Variants in FHIP2A observed in about 807,000 individuals in gnomAD.
FHIP2A encodes the protein family with sequence similarity 160 member B1.
In FHIP2A, 46 loss-of-function variants were observed where a neutral mutation model predicts 93.5. That is an observed-to-expected ratio of 0.49 (90% confidence interval 0.39 to 0.63). The LOEUF (loss-of-function observed/expected upper bound fraction) is 0.63. Ranked by LOEUF, FHIP2A falls within the 20% of genes least tolerant of loss-of-function variation. The probability of loss-of-function intolerance (pLI) is 0.00; values close to 1 mark genes in which losing one functional copy is unlikely to be tolerated. For synonymous variants in FHIP2A, 332 were observed against 326.5 expected (o/e 1.02, Z -0.18); for missense variants, 769 against 909.7 (o/e 0.85, Z 1.99).
rs891532367 is a variant in FHIP2A at position 114,843,785 on chromosome 10, A to C, written c.861A>C (p.Leu287Phe). 5 of 1,583,420 alleles carry C rather than the reference A, an allele frequency of 3.2e-6. No homozygotes were observed. The African/African-American group carries it at 6.8e-5, about 22-fold the overall frequency. The change falls in exon 7 of 17, where the codon TTA becomes TTC. Residue 287 changes from leucine (L) to phenylalanine (F), a missense_variant. By Grantham distance (22) the Leu-to-Phe change is conservative (BLOSUM62 0). Coordinates refer to ENST00000369248, the MANE Select transcript of FHIP2A (RefSeq NM_020940.4). Reference sequence around the variant, plus strand: ...AGGCATGTGAAGGCTTGATGCTGTTAGTAAGTTTGCCAGAGCCTGCGGCTG... The same window carrying C: ...AGGCATGTGAAGGCTTGATGCTGTTCGTAAGTTTGCCAGAGCCTGCGGCTG... ...AVKACEGLML[L>F]VSLPEPAAAK...
chr10:114,851,694 G>T (rs2083736895), intron 13 of FHIP2A, among the ~76,000 whole-genome samples: 2 of 100,928 alleles, frequency 2.0e-5, no homozygotes, highest in Non-Finnish European at 1.8e-5. Context: ...TGAATTTTAG[G>T]ATTACTTTGT....
At chr10:114,880,629 G>A (rs998496268) in intron 16 of FHIP2A, among the ~76,000 whole-genome samples, 13 of 151,542 alleles carry the variant, frequency 8.6e-5, no homozygotes, top group African/African-American at 2.2e-4. Context: ...GCAGTGAGCC[G>A]AGATCACGCC....
rs1026924352 is a variant in FHIP2A, at chr10:114,862,230, T to C, written c.*690T>C. 1.5e-5 allele frequency: 15 copies of C among 984,262 alleles called. No homozygotes were observed. Among genetic ancestry groups the C allele is most frequent in the African/African-American group, 1.0e-4 (6 of 57,216 alleles). 61.0% of individuals were successfully genotyped at this position (984,262 alleles called of 1,614,324 possible). A position where few individuals can be genotyped will look rare whatever the true frequency, so the allele number is the denominator to read the frequency against. On this transcript the variant is annotated 3_prime_UTR_variant, in exon 17 of 17. Coordinates refer to ENST00000369248, the MANE Select transcript of FHIP2A (RefSeq NM_020940.4). ...ATAGCCATGTTAGTGATTTTCTTCATGTGTGGGTCCCAGTTTATTTAAACT... is the reference window on the plus strand; with the variant it reads ...ATAGCCATGTTAGTGATTTTCTTCACGTGTGGGTCCCAGTTTATTTAAACT...
At chr10:114,846,821 A>G (rs1289536554) in intron 11 of FHIP2A, 93 bp downstream of exon 11, 4 of 1,193,966 alleles carry the variant, frequency 3.4e-6, no homozygotes, top group Non-Finnish European at 4.6e-6. Flanking sequence ...CTCAAAAGAA[A>G]TACCTCTTAC....
At chr10:114,825,978 C>A (rs1412682126) in intron 1 of FHIP2A, among the ~76,000 whole-genome samples, 2 of 152,192 alleles carry the variant, frequency 1.3e-5, no homozygotes, top group African/African-American at 4.8e-5. Context: ...GTTTTCTTTT[C>A]AAATTATAGT....
Position 114,838,902 on chromosome 10 carries a change from G to A in FHIP2A, c.522+2656G>A, listed in dbSNP as rs181492879. Among the ~76,000 whole-genome samples the A allele has an allele frequency of 2.9e-3, 439 of 152,168 alleles. 2 individuals are homozygous for A. The highest frequency in any genetic ancestry group is 4.8e-3 in the Non-Finnish European group (325 of 67,998). On this transcript the variant is annotated intron_variant, in intron 5 of 16. Transcript: ENST00000369248. ...TGGTAGGTGTCTGCATTTTTTTAAC[G>A]AATAGGACTATTCATATGTGTTTAA...
Position 114,847,230 on chromosome 10 carries a change from A to G in FHIP2A, c.1709A>G (p.Asn570Ser). The G allele has an allele frequency of 6.2e-7, 1 of 1,605,210 alleles. No homozygotes were observed. Among genetic ancestry groups the G allele is most frequent in the African/African-American group, 1.3e-5 (1 of 74,434 alleles). ...AAAACTGAAGTTCATAAAATTGTAA[A>G]TAGGTGAGTTGCTATATAAAATTTG... ...DGKTEVHKIVNSFLCLVPDDA... is the reference protein window; with the variant it reads ...DGKTEVHKIVSSFLCLVPDDA... Residue 570 changes from asparagine (N) to serine (S), a missense_variant, in exon 12 of 17, where the codon AAT becomes AGT. Coordinates refer to ENST00000369248, the MANE Select transcript of FHIP2A (RefSeq NM_020940.4).
At chr10:114,856,569 C>G (rs1232774151) in intron 14 of FHIP2A, among the ~76,000 whole-genome samples, 4 of 152,060 alleles carry the variant, frequency 2.6e-5, no homozygotes, top group Admixed American at 2.6e-4. Context: ...CAATGAGTAT[C>G]AAGACAGTAA....
chr10:114,888,966 T>A (rs1468615218), intron 16 of FHIP2A, among the ~76,000 whole-genome samples: 3 of 152,212 alleles, frequency 2.0e-5, no homozygotes, highest in African/African-American at 7.2e-5. Context: ...TGACTTGTCA[T>A]GTAATCTTCC....
At position 114,861,639 on chromosome 10, in the gene FHIP2A, T is replaced by C; in HGVS notation, c.*99T>C. Reference sequence around the variant, plus strand: ...GCCACAAGAGGATAAAAAGCCTTTTTAAACGCAGTATTGCTGTAAACTGGA... The same window carrying C: ...GCCACAAGAGGATAAAAAGCCTTTTCAAACGCAGTATTGCTGTAAACTGGA... On this transcript the variant is annotated 3_prime_UTR_variant, in exon 17 of 17. Transcript: ENST00000369248. 6.7e-7 allele frequency: 1 copy of C among 1,492,010 alleles called. No individual in the cohort carries two copies. Among genetic ancestry groups the C allele is most frequent in the Non-Finnish European group, 8.9e-7 (1 of 1,127,240 alleles). 92.4% of individuals were successfully genotyped at this position (1,492,010 alleles called of 1,614,324 possible).
downstream of FHIP2A, chr10:114,864,719 G>T (rs747090640): frequency 1.4e-5 from 14 of 978,408 alleles, no homozygotes; most frequent in Non-Finnish European, 1.7e-5. Flanking sequence ...TAAACAAAAC[G>T]TCTTATGTTT....
rs1302258739 is a variant in FHIP2A, at chr10:114,846,066, T to C, written c.1182T>C (p.Val394=). ...KAVHERFFIG[V]MEPQLMQTSE... ...TTCATGAAAGATTTTTCATTGGTGT[T>C]ATGGAACCTCAATTAATGCAAACGT... The change falls in exon 9 of 17, where the codon GTT becomes GTC. Residue 394 remains valine, a synonymous_variant. Coordinates refer to ENST00000369248, the MANE Select transcript of FHIP2A (RefSeq NM_020940.4). 6.2e-7 allele frequency: 1 copy of C among 1,614,158 alleles called. No homozygotes were observed. Among genetic ancestry groups the C allele is most frequent in the South Asian group, 1.1e-5 (1 of 91,084 alleles).
intron 2 of FHIP2A, among the ~76,000 whole-genome samples, chr10:114,832,768 G>A (rs2083614902): frequency 6.8e-6 from 1 of 146,212 alleles, no homozygotes; most frequent in Admixed American, 7.0e-5. Flanking sequence ...CTGACGTTCA[G>A]TGGTGCGATC....
intron 13 of FHIP2A, among the ~76,000 whole-genome samples, chr10:114,851,714 C>CCAAAAAAAAA (rs774825413): frequency 1.2e-5 from 1 of 81,950 alleles, no homozygotes; most frequent in Admixed American, 1.6e-4. Flanking sequence ...TCCATTTCTG[C>CCAAAAAAAAA]AAAAAAAAAA....
chr10:114,872,578 G>A (rs1592029932), intron 16 of FHIP2A, among the ~76,000 whole-genome samples: 1 of 152,176 alleles, frequency 6.6e-6, no homozygotes, highest in Admixed American at 6.5e-5. Flanking sequence ...GTTGGAAGAT[G>A]TCATCCTACT....
intron 16 of FHIP2A, among the ~76,000 whole-genome samples, chr10:114,878,396 T>A (rs1278814331): frequency 6.6e-6 from 1 of 151,854 alleles, no homozygotes; most frequent in Non-Finnish European, 1.5e-5. Context: ...ATAAGAGGAG[T>A]GGGGGCAAAG....
At chr10:114,835,673 G>A in intron 4 of FHIP2A, 32 bp downstream of exon 4, 1 of 1,239,436 alleles carries the variant, frequency 8.1e-7, no homozygotes, top group Non-Finnish European at 1.1e-6. Context: ...AAATCATTTT[G>A]TTTGATTTCT....
chr10:114,859,470 G>C (rs1274639063), intron 14 of FHIP2A, among the ~76,000 whole-genome samples: 2 of 152,158 alleles, frequency 1.3e-5, no homozygotes, highest in Non-Finnish European at 2.9e-5. Flanking sequence ...TGTTGCACTT[G>C]GTCCTGACTC....
intron 1 of FHIP2A, among the ~76,000 whole-genome samples, chr10:114,823,451 G>C (rs2083552673): frequency 6.6e-6 from 1 of 151,620 alleles, no homozygotes; most frequent in African/African-American, 2.4e-5. Context: ...TTTAAATTTT[G>C]TTTTCTTTAA....
Sources: gnomAD v4.1 joint callset for allele counts (sites outside exome capture counted in the v4.1 genomes callset) on GRCh38, gnomAD v4.1.1 for gene constraint, MANE v1.5 for transcripts, NCBI Gene and HGNC (gene_info 2026-07-23, HGNC 2026-07-21) for gene names.